The following GREB1L variants were observed in gnomAD, a reference collection of about 807,000 sequenced individuals.
GREB1L encodes the protein GREB1 like retinoic acid receptor coactivator.
In GREB1L, 17 loss-of-function variants were observed where a neutral mutation model predicts 200.8. The ratio of observed to expected loss-of-function variants is 0.08; its 90% CI spans 0.06 to 0.13. GREB1L has a LOEUF of 0.13. GREB1L is among the 10% of genes least tolerant of loss of function. The pLI is 1.00. For synonymous variants in GREB1L, 789 were observed against 893.0 expected (o/e 0.88, Z 2.08); for missense variants, 1,657 against 2,367.7 (o/e 0.70, Z 6.23).
chr18:21,366,609 G>T (rs1159731993), intron 2 of GREB1L, among the ~76,000 whole-genome samples: 2 of 144,274 alleles, frequency 1.4e-5, no homozygotes, highest in African/African-American at 5.1e-5. Flanking sequence ...AAGGAAAAAG[G>T]TGATGCTCCC....
intron 11 of GREB1L, among the ~76,000 whole-genome samples, chr18:21,447,882 G>A (rs2034309030): frequency 6.6e-6 from 1 of 152,034 alleles, no homozygotes. Context: ...GGACAGTAGA[G>A]GCCAGGCACG....
chr18:21,393,671 C>T lies in GREB1L; in HGVS notation c.356-1714C>T, dbSNP rs138843717. Among the ~76,000 whole-genome samples, 1,297 of 152,232 alleles carry T rather than the reference C, an allele frequency of 8.5e-3. 5 individuals carry two copies. Among genetic ancestry groups the T allele is most frequent in the Middle Eastern group, 0.014 (4 of 294 alleles). ...GTCTCGATCTCCTGACCTCATGATC[C>T]GCCCGCTTCTGCCTTCCAAAGTGCT... On this transcript the variant is annotated intron_variant, in intron 4 of 32. Coordinates refer to ENST00000424526, the MANE Select transcript of GREB1L (RefSeq NM_001142966.3).
intron 17 of GREB1L, 76 bp from the exon 18 acceptor site, chr18:21,485,544 G>A: frequency 7.2e-7 from 1 of 1,379,930 alleles, no homozygotes; most frequent in Non-Finnish European, 9.8e-7. Flanking sequence ...GGTCATTTCT[G>A]TAAACCCCAC....
chr18:21,435,267 G>C (rs2033462340), intron 7 of GREB1L, among the ~76,000 whole-genome samples: 1 of 152,196 alleles, frequency 6.6e-6, no homozygotes, highest in Non-Finnish European at 1.5e-5. Context: ...AACCAGAAGA[G>C]TCAGGGAATG....
At chr18:21,244,901 G>A (rs193301750) in intron 1 of GREB1L, among the ~76,000 whole-genome samples, 66 of 152,276 alleles carry the variant, frequency 4.3e-4, no homozygotes, top group African/African-American at 1.5e-3. Context: ...TTTTGGTAAA[G>A]TGGAAATTAA....
chr18:21,262,575 CAGTT>C (rs1052865981), intron 1 of GREB1L, among the ~76,000 whole-genome samples: 103 of 152,222 alleles, frequency 6.8e-4, no homozygotes, highest in African/African-American at 2.5e-3. Context: ...GATCAAAGCC[CAGTT>C]AGTTTAAGAC....
intron 27 of GREB1L, among the ~76,000 whole-genome samples, chr18:21,510,672 C>A (rs144666932): frequency 1.9e-4 from 29 of 152,274 alleles, no homozygotes; most frequent in African/African-American, 6.5e-4. Flanking sequence ...ATATCTCAGA[C>A]CCTTATTTCA....
At chr18:21,330,493 G>C (rs900701438) in intron 1 of GREB1L, among the ~76,000 whole-genome samples, 18 of 152,308 alleles carry the variant, frequency 1.2e-4, no homozygotes, top group Non-Finnish European at 1.2e-4. Context: ...TCCATTTCGT[G>C]TTGATTGCTT....
At chr18:21,480,020 C>T (rs1435450033) in intron 17 of GREB1L, among the ~76,000 whole-genome samples, 2 of 152,186 alleles carry the variant, frequency 1.3e-5, no homozygotes, top group Admixed American at 6.5e-5. Flanking sequence ...GGATTACAGG[C>T]ATGAGCCACT....
At chr18:21,292,434 T>C (rs2038464391) in intron 1 of GREB1L, among the ~76,000 whole-genome samples, 1 of 152,148 alleles carries the variant, frequency 6.6e-6, no homozygotes, top group South Asian at 2.1e-4. Context: ...ATTCAGAGGG[T>C]TGTACAACCA....
intron 1 of GREB1L, among the ~76,000 whole-genome samples, chr18:21,355,605 A>C (rs940442091): frequency 6.6e-6 from 1 of 152,218 alleles, no homozygotes; most frequent in Non-Finnish European, 1.5e-5. Flanking sequence ...GTGGAACACT[A>C]ACATTTAGGA....
chr18:21,314,354 G>A (rs2038836285), intron 1 of GREB1L, among the ~76,000 whole-genome samples: 1 of 151,974 alleles, frequency 6.6e-6, no homozygotes, highest in South Asian at 2.1e-4. Context: ...GTGAAAGCGT[G>A]GAAACTTTCA....
rs1289967743 is a variant in GREB1L, at chr18:21,522,389, G to C, written c.5609-269G>C. Among the ~76,000 whole-genome samples, 4 of 151,946 alleles carry C rather than the reference G, an allele frequency of 2.6e-5. No individual in the cohort carries two copies. The East Asian group carries it at 7.7e-4, about 29-fold the overall frequency. ...CTTGGGAGGCTAACGCAGGGGAATT[G>C]CTTGAACCCAGGAGGCAGAGGTTGC... On this transcript the variant is annotated intron_variant, in intron 32 of 32. Transcript: ENST00000424526.
chr18:21,487,216 T>C (rs2036161564), intron 18 of GREB1L, among the ~76,000 whole-genome samples: 1 of 152,226 alleles, frequency 6.6e-6, no homozygotes, highest in African/African-American at 2.4e-5. Flanking sequence ...CAGAGTTTCC[T>C]AACTTTTATT....
intron 19 of GREB1L, among the ~76,000 whole-genome samples, chr18:21,492,620 G>T (rs1314574319): frequency 1.3e-5 from 2 of 152,190 alleles, no homozygotes; most frequent in Non-Finnish European, 2.9e-5. Context: ...AAGGCCTGAG[G>T]TTCTTCACCT....
intron 28 of GREB1L, 23 bp from the exon 29 acceptor site, chr18:21,515,394 C>G: frequency 6.9e-7 from 1 of 1,457,726 alleles, no homozygotes; most frequent in African/African-American, 1.4e-5. Flanking sequence ...TTATCAACAT[C>G]TTATATAAAC....
At chr18:21,328,575 T>C (rs376641685) in intron 1 of GREB1L, among the ~76,000 whole-genome samples, 27 of 152,324 alleles carry the variant, frequency 1.8e-4, no homozygotes, top group African/African-American at 6.5e-4. Flanking sequence ...TTCTATTCTC[T>C]CACTTGCTCA....
chr18:21,331,592 G>T (rs887524254), intron 1 of GREB1L, among the ~76,000 whole-genome samples: 8 of 152,116 alleles, frequency 5.3e-5, no homozygotes, highest in African/African-American at 1.4e-4. Flanking sequence ...TGACATTCAA[G>T]GAGTAATGAA....
rs894934640 is a variant in GREB1L, at chr18:21,525,745, T to C, written c.*2924T>C. 1.3e-5 allele frequency among the ~76,000 whole-genome samples: 2 copies of C among 152,366 alleles called. No homozygotes were observed. Among genetic ancestry groups the C allele is most frequent in the African/African-American group, 4.8e-5 (2 of 41,600 alleles). On this transcript the variant is annotated 3_prime_UTR_variant, in exon 33 of 33. Transcript: ENST00000424526. Reference sequence around the variant, plus strand: ...TTGCTAGAACTATGTAGTATGAAGATGCTGTTATTGTAGTATGAATTATAT... The same window carrying C: ...TTGCTAGAACTATGTAGTATGAAGACGCTGTTATTGTAGTATGAATTATAT...
Sources: gnomAD v4.1 joint callset for allele counts (sites outside exome capture counted in the v4.1 genomes callset) on GRCh38, gnomAD v4.1.1 for gene constraint, MANE v1.5 for transcripts, NCBI Gene and HGNC (gene_info 2026-07-23, HGNC 2026-07-21) for gene names.